The following RBFOX1 variants were observed in gnomAD, a reference collection of about 807,000 sequenced individuals.
The protein encoded by RBFOX1 is RNA binding protein fox-1 homolog 1.
Under a neutral mutation model 57.7 loss-of-function variants are expected in RBFOX1, and 8 were observed. The observed-to-expected ratio is 0.14, with a 90% CI of 0.08 to 0.25. The LOEUF (loss-of-function observed/expected upper bound fraction) is 0.25. Ranked by LOEUF, RBFOX1 falls within the 10% of genes least tolerant of loss-of-function variation. The pLI is 1.00. For synonymous variants in RBFOX1, 326 were observed against 222.4 expected, an observed-to-expected ratio of 1.47 and a Z score of -4.15; for missense variants, 611 against 548.5, an observed-to-expected ratio of 1.11 and a Z score of -1.14.
intron 3 of RBFOX1, among the ~76,000 whole-genome samples, chr16:6,875,136 C>T (rs1567668564): frequency 6.6e-6 from 1 of 152,058 alleles, no homozygotes; most frequent in Non-Finnish European, 1.5e-5. Flanking sequence ...TTGCTTATAC[C>T]ATTTAATCAT....
chr16:5,603,680 A>G (rs890456103), downstream of RBFOX1, among the ~76,000 whole-genome samples: 8 of 152,164 alleles, frequency 5.3e-5, no homozygotes, highest in Admixed American at 1.3e-4. Context: ...TAGATGCCAG[A>G]TGAAGTGATT....
At chr16:7,015,935 G>T (rs896712267) in intron 3 of RBFOX1, among the ~76,000 whole-genome samples, 1 of 152,092 alleles carries the variant, frequency 6.6e-6, no homozygotes, top group African/African-American at 2.4e-5. Flanking sequence ...GAAGGGTAAA[G>T]ACCCAGTTAA....
intron 2 of RBFOX1, among the ~76,000 whole-genome samples, chr16:5,540,392 C>T (rs900137634): frequency 6.6e-6 from 1 of 152,222 alleles, no homozygotes; most frequent in Admixed American, 6.5e-5. Context: ...GTGTTTCACA[C>T]TTACTTGACC....
chr16:5,341,378 C>G (rs2065027647), intron 1 of RBFOX1, among the ~76,000 whole-genome samples: 1 of 152,080 alleles, frequency 6.6e-6, no homozygotes, highest in South Asian at 2.1e-4. Flanking sequence ...ATCCATCTGG[C>G]CCAATTATAC....
chr16:5,886,687 G>C (rs532881951), intron 4 of RBFOX1, among the ~76,000 whole-genome samples: 12 of 152,216 alleles, frequency 7.9e-5, no homozygotes, highest in African/African-American at 2.9e-4. Flanking sequence ...CAGGAGTTTT[G>C]GACCAGCCTG....
chr16:7,228,642 C>A (rs1021042238), intron 4 of RBFOX1, among the ~76,000 whole-genome samples: 1 of 152,190 alleles, frequency 6.6e-6, no homozygotes, highest in African/African-American at 2.4e-5. Context: ...TTCTCAGAAT[C>A]TTCTTTTCTC....
At chr16:6,389,724 A>G (rs1221000983) in intron 2 of RBFOX1, among the ~76,000 whole-genome samples, 1 of 152,208 alleles carries the variant, frequency 6.6e-6, no homozygotes, top group Non-Finnish European at 1.5e-5. Context: ...AATTCAGCTC[A>G]GGCTGTAGCC....
intron 4 of RBFOX1, among the ~76,000 whole-genome samples, chr16:7,391,563 G>A (rs192584118): frequency 6.6e-6 from 1 of 152,074 alleles, no homozygotes; most frequent in African/African-American, 2.4e-5. Context: ...TCACTGACTT[G>A]GTTAAGTACC....
At chr16:5,806,991 C>T (rs574683546) in intron 3 of RBFOX1, among the ~76,000 whole-genome samples, 2 of 152,252 alleles carry the variant, frequency 1.3e-5, no homozygotes, top group Admixed American at 1.3e-4. Context: ...TTGCCATGGC[C>T]TGGGGGAGAA....
At chr16:6,820,215 C>A (rs1382617434) in intron 3 of RBFOX1, among the ~76,000 whole-genome samples, 1 of 152,186 alleles carries the variant, frequency 6.6e-6, no homozygotes, top group African/African-American at 2.4e-5. Flanking sequence ...GCCTCCCCAG[C>A]CATGTGCAAC....
chr16:6,515,521 C>A (rs967821030), intron 2 of RBFOX1, among the ~76,000 whole-genome samples: 12 of 152,172 alleles, frequency 7.9e-5, no homozygotes, highest in Admixed American at 3.9e-4. Context: ...TTACATTGTT[C>A]CCATGTCTTC....
At chr16:7,642,710 C>T (rs1038231053) in intron 11 of RBFOX1, among the ~76,000 whole-genome samples, 11 of 151,708 alleles carry the variant, frequency 7.3e-5, no homozygotes, top group South Asian at 4.2e-4. Flanking sequence ...CGTGGTTTCC[C>T]GGGAAACAAC....
intron 4 of RBFOX1, among the ~76,000 whole-genome samples, chr16:7,203,215 A>G (rs1233033289): frequency 2.0e-5 from 3 of 152,246 alleles, no homozygotes; most frequent in African/African-American, 7.2e-5. Flanking sequence ...TCAACCTTAG[A>G]AGGGAAGAAA....
chr16:7,691,617 T>G (rs2077357380), intron 14 of RBFOX1, among the ~76,000 whole-genome samples: 1 of 152,168 alleles, frequency 6.6e-6, no homozygotes, highest in South Asian at 2.1e-4. Context: ...GAGGGCTGTT[T>G]CTATTCATAC....
intron 4 of RBFOX1, among the ~76,000 whole-genome samples, chr16:7,341,649 C>A (rs1187274698): frequency 6.6e-6 from 1 of 152,086 alleles, no homozygotes; most frequent in East Asian, 1.9e-4. Flanking sequence ...GAGAGATACT[C>A]CAAATGACAG....
chr16:7,049,810 G>C lies in RBFOX1; in HGVS notation c.-15-2247G>C, dbSNP rs560773285. ...GGATGAAGTGTTTTCGCTCCATCTT[G>C]TCAAGAACCGAAACCTCACCACCCA... On this transcript the variant is annotated intron_variant, in intron 3 of 15. Transcript: ENST00000550418. 2.0e-4 allele frequency among the ~76,000 whole-genome samples: 31 copies of C among 152,148 alleles called. 1 individual carries two copies. The highest frequency in any genetic ancestry group is 3.4e-4 in the Non-Finnish European group (23 of 68,034).
At chr16:6,229,076 C>A (rs1222446690) in intron 1 of RBFOX1, among the ~76,000 whole-genome samples, 1 of 152,008 alleles carries the variant, frequency 6.6e-6, no homozygotes, top group African/African-American at 2.4e-5. Flanking sequence ...TCTTCCTTGG[C>A]CCATCTTATT....
intron 3 of RBFOX1, among the ~76,000 whole-genome samples, chr16:5,801,079 T>C (rs1282367017): frequency 2.0e-5 from 3 of 152,096 alleles, no homozygotes; most frequent in Non-Finnish European, 4.4e-5. Context: ...GAGTTAAAAA[T>C]AGGCCCCGCC....
chr16:7,148,743 C>G (rs575003121), intron 4 of RBFOX1, among the ~76,000 whole-genome samples: 9 of 152,280 alleles, frequency 5.9e-5, no homozygotes, highest in African/African-American at 2.2e-4. Flanking sequence ...TGAGCAGAAA[C>G]CCGAAGAGGC....
Sources: allele counts gnomAD v4.1 joint callset (sites outside exome capture counted in the v4.1 genomes callset), GRCh38; gene constraint gnomAD v4.1.1; transcripts MANE v1.5; gene names NCBI Gene and HGNC (gene_info 2026-07-23, HGNC 2026-07-21).